The following NECTIN1 variants were observed in gnomAD, a reference collection of about 807,000 sequenced individuals.
NECTIN1 encodes the protein nectin cell adhesion molecule 1.
In NECTIN1, 23 loss-of-function variants were observed where a neutral mutation model predicts 48.0. The observed-to-expected ratio is 0.48, with a 90% CI of 0.34 to 0.68. The LOEUF (loss-of-function observed/expected upper bound fraction) is 0.68, where lower values mean the gene tolerates loss of function less well. Ranked by LOEUF, NECTIN1 falls within the 30% of genes least tolerant of loss-of-function variation. NECTIN1 has a pLI of 0.01. For missense variants in NECTIN1, 591 were observed against 709.9 expected, an observed-to-expected ratio of 0.83 and a Z score of 1.90; for synonymous variants, 270 against 288.9, an observed-to-expected ratio of 0.93 and a Z score of 0.66.
At chr11:119,705,700 A>G (rs1016704981) in intron 1 of NECTIN1, among the ~76,000 whole-genome samples, 1 of 152,242 alleles carries the variant, frequency 6.6e-6, no homozygotes, top group South Asian at 2.1e-4. Context: ...CTTTGTTTCA[A>G]CAAGACCACT....
At chr11:119,668,067 T>C (rs1194024060) in intron 5 of NECTIN1, among the ~76,000 whole-genome samples, 1 of 152,100 alleles carries the variant, frequency 6.6e-6, no homozygotes, top group Non-Finnish European at 1.5e-5. Flanking sequence ...ACCTCCTGCC[T>C]CCAAGACAGT....
In NECTIN1 at chr11:119,677,674, A is replaced by T; in HGVS notation, c.614T>A (p.Val205Glu). Reference protein sequence around the residue: ...YQEIRNPNGTVTVISRYRLVP... With the variant: ...YQEIRNPNGTETVISRYRLVP... ...CAGGCGGTAGCGGCTGATGACCGTC[A>T]CTGTGCCATTGGGGTTCCGGATCTC... Residue 205 changes from valine to glutamate, a missense_variant, in exon 3 of 6, where the codon GTG (valine) becomes GAG (glutamate). Coordinates refer to ENST00000264025, the MANE Select transcript of NECTIN1 (RefSeq NM_002855.5). The surrounding 1 kb of genome is among the most constrained non-coding windows in gnomAD (Gnocchi z 5.4). 1 of 1,614,118 alleles carries T rather than the reference A, an allele frequency of 6.2e-7. No homozygotes were observed. Among genetic ancestry groups the T allele is most frequent in the Non-Finnish European group, 8.5e-7 (1 of 1,180,018 alleles).
At position 119,663,524 on chromosome 11, in the gene NECTIN1, A is replaced by G; in HGVS notation, c.*1223T>C. 3.0e-6 allele frequency: 3 copies of G among 985,490 alleles called. No individual in the cohort carries two copies. The highest frequency in any genetic ancestry group is 3.6e-6 in the Non-Finnish European group (3 of 829,968). The allele number at this position is 985,490 out of a possible 1,614,324, so 61.0% of individuals were successfully genotyped here. A position where few individuals can be genotyped will look rare whatever the true frequency, so the allele number is the denominator to read the frequency against. Reference sequence around the variant, plus strand: ...TTCTGCCAGGCCCGAGGCTTTGACAATGGCCTTTGTGTGTGAGGCATTGTA... The same window carrying G: ...TTCTGCCAGGCCCGAGGCTTTGACAGTGGCCTTTGTGTGTGAGGCATTGTA... On this transcript the variant is annotated 3_prime_UTR_variant, in exon 6 of 6. Transcript: ENST00000264025.
rs1864873229 is a variant in NECTIN1, at chr11:119,672,433, T to C, written c.1003+2726A>G. ...CCCACCCCATGAAACTGCTCCTCTG[T>C]GTAAGGGCCTCTGAAAGGGGTTCTC... On this transcript the variant is annotated intron_variant, in intron 5 of 5. Transcript: ENST00000264025. The surrounding 1 kb of genome is among the most constrained non-coding windows in gnomAD (Gnocchi z 4.3). 6.6e-6 allele frequency among the ~76,000 whole-genome samples: 1 copy of C among 152,122 alleles called. No individual in the cohort carries two copies. The highest frequency in any genetic ancestry group is 1.5e-5 in the Non-Finnish European group (1 of 68,014).
intron 1 of NECTIN1, among the ~76,000 whole-genome samples, chr11:119,714,780 G>C (rs1427535025): frequency 6.6e-6 from 1 of 152,102 alleles, no homozygotes; most frequent in Non-Finnish European, 1.5e-5. Context: ...GAAAGGGATA[G>C]AGGGAGGTGG....
chr11:119,707,235 C>G (rs1436922662), intron 1 of NECTIN1, among the ~76,000 whole-genome samples: 1 of 152,182 alleles, frequency 6.6e-6, no homozygotes, highest in Non-Finnish European at 1.5e-5. Context: ...ACTCCACCAG[C>G]CCAACCTCAC....
rs957393668 is a variant in NECTIN1, at chr11:119,672,570, A to G, written c.1003+2589T>C. Among the ~76,000 whole-genome samples, 7 of 152,098 alleles carry G rather than the reference A, an allele frequency of 4.6e-5. No individual in the cohort carries two copies. Among genetic ancestry groups the G allele is most frequent in the African/African-American group, 1.7e-4 (7 of 41,398 alleles). Reference sequence around the variant, plus strand: ...GTTGTTTCCCACTAGGGACTCACTCATGGTGGCAGCTCCTAACGGGTGTGC... The same window carrying G: ...GTTGTTTCCCACTAGGGACTCACTCGTGGTGGCAGCTCCTAACGGGTGTGC... On this transcript the variant is annotated intron_variant, in intron 5 of 5. Coordinates refer to ENST00000264025, the MANE Select transcript of NECTIN1 (RefSeq NM_002855.5). This position sits in a 1 kb window ranked among gnomAD's most constrained non-coding sequence, Gnocchi z 4.3.
chr11:119,670,085 A>G (rs1026639665), intron 5 of NECTIN1, among the ~76,000 whole-genome samples: 1 of 151,184 alleles, frequency 6.6e-6, no homozygotes, highest in African/African-American at 2.4e-5. Context: ...CAGCCTCTTG[A>G]GTAGCTGGGA....
At chr11:119,705,201 T>C (rs748818120) in intron 1 of NECTIN1, among the ~76,000 whole-genome samples, 2 of 152,180 alleles carry the variant, frequency 1.3e-5, no homozygotes, top group Non-Finnish European at 2.9e-5. Context: ...TGTGATTGCA[T>C]GCAGAAACAG....
intron 1 of NECTIN1, among the ~76,000 whole-genome samples, chr11:119,690,880 C>T (rs1177003509): frequency 1.3e-5 from 2 of 152,130 alleles, no homozygotes; most frequent in East Asian, 3.9e-4. Context: ...TTCACGCCGC[C>T]CCCCACCTCA....
At position 119,678,853 on chromosome 11, in the gene NECTIN1, A is replaced by G. The variant is rs531739274; in HGVS notation, c.80-88T>C. The G allele has an allele frequency of 2.5e-5, 21 of 851,760 alleles. No individual in the cohort carries two copies. The highest frequency in any genetic ancestry group is 1.5e-4 in the African/African-American group (9 of 59,744). 52.8% of individuals were successfully genotyped at this position (851,760 alleles called of 1,614,324 possible). The stretch of plus-strand genomic sequence containing the variant: ...TCCCTGTGCTCTGGCCTTGTCTTTT[A>G]TAGCAGTCATTATTGTTTTTATTCC... On this transcript the variant is annotated intron_variant, in intron 1 of 5. Transcript: ENST00000264025. This position sits in a 1 kb window ranked among gnomAD's most constrained non-coding sequence, Gnocchi z 4.4.
At position 119,709,062 on chromosome 11, in the gene NECTIN1, G is replaced by A. The variant is rs749480491; in HGVS notation, c.79+19413C>T. On this transcript the variant is annotated intron_variant, in intron 1 of 5. Transcript: ENST00000264025. The surrounding 1 kb of genome is among the most constrained non-coding windows in gnomAD (Gnocchi z 4.1). Reference sequence around the variant, plus strand: ...CTGAGACACTCTACCCCCCACGCCCGCCCACATAGCCAACATATCGCACAT... The same window carrying A: ...CTGAGACACTCTACCCCCCACGCCCACCCACATAGCCAACATATCGCACAT... Among the ~76,000 whole-genome samples the A allele has an allele frequency of 6.6e-6, 1 of 151,730 alleles. No homozygotes were observed. Among genetic ancestry groups the A allele is most frequent in the Non-Finnish European group, 1.5e-5 (1 of 67,912 alleles).
chr11:119,711,344 C>T (rs1256183577), intron 1 of NECTIN1, among the ~76,000 whole-genome samples: 7 of 151,036 alleles, frequency 4.6e-5, no homozygotes, highest in South Asian at 2.1e-4. Context: ...GAGCTGAGAT[C>T]GTGCCACCGC....
intron 5 of NECTIN1, among the ~76,000 whole-genome samples, chr11:119,671,849 T>C (rs545673136): frequency 2.0e-5 from 3 of 152,290 alleles, no homozygotes; most frequent in African/African-American, 7.2e-5. Flanking sequence ...AGCTGCCTTC[T>C]CAGACCTCCC....
downstream of NECTIN1, among the ~76,000 whole-genome samples, chr11:119,658,867 G>A (rs1591444737): frequency 2.0e-5 from 3 of 152,292 alleles, no homozygotes; most frequent in South Asian, 4.1e-4. Flanking sequence ...GCTCTTGAGC[G>A]TGATTGGCGC....
chr11:119,686,708 T>C (rs995190463), intron 1 of NECTIN1, among the ~76,000 whole-genome samples: 9 of 152,226 alleles, frequency 5.9e-5, no homozygotes, highest in African/African-American at 2.2e-4. Flanking sequence ...CCCCGTTACC[T>C]GCGCAAGTCC....
chr11:119,642,812 A>G (rs1009369677), intron 5 of NECTIN1: 2 of 153,706 alleles, frequency 1.3e-5, no homozygotes, highest in African/African-American at 4.8e-5. Context: ...GTACAATGTA[A>G]ATGCTGTGTA....
intron 1 of NECTIN1, among the ~76,000 whole-genome samples, chr11:119,700,025 G>C (rs910474858): frequency 1.3e-5 from 2 of 152,198 alleles, no homozygotes; most frequent in Non-Finnish European, 2.9e-5. Context: ...CTGTGGAGCC[G>C]GAACTGTGTT....
rs1190877385 is a variant in NECTIN1 at position 119,672,277 on chromosome 11, G to A, written c.1003+2882C>T. On this transcript the variant is annotated intron_variant, in intron 5 of 5. Transcript: ENST00000264025. The surrounding 1 kb of genome is among the most constrained non-coding windows in gnomAD (Gnocchi z 4.3). ...GGAGAGGCCTGGCCTGTCTCCTCCC[G>A]ACACCCACAGGGATAGAGGCTGCCT... Among the ~76,000 whole-genome samples, 5 of 152,126 alleles carry A rather than the reference G, an allele frequency of 3.3e-5. No homozygotes were observed. Among genetic ancestry groups the A allele is most frequent in the African/African-American group, 7.2e-5 (3 of 41,424 alleles).
Sources: allele counts gnomAD v4.1 joint callset (sites outside exome capture counted in the v4.1 genomes callset), GRCh38; gene constraint gnomAD v4.1.1; non-coding constraint Gnocchi (gnomAD v3.1); transcripts MANE v1.5; gene names NCBI Gene and HGNC (gene_info 2026-07-23, HGNC 2026-07-21).